Variants in STRN3 observed in about 807,000 individuals in gnomAD.
STRN3 encodes the protein striatin 3.
Under a neutral mutation model 95.6 loss-of-function variants are expected in STRN3, and 29 were observed. The ratio of observed to expected loss-of-function variants is 0.30; its 90% CI spans 0.23 to 0.41. The LOEUF is 0.41. Among genes scored for constraint, STRN3 ranks in the 10% least tolerant of loss-of-function variants. STRN3 has a pLI of 1.00. For missense variants in STRN3, 890 were observed against 972.1 expected (o/e 0.92, Z 1.12); for synonymous variants, 331 against 357.6 (o/e 0.93, Z 0.84).
chr14:31,003,832 G>A (rs919853613), intron 1 of STRN3, among the ~76,000 whole-genome samples: 3 of 133,588 alleles, frequency 2.2e-5, no homozygotes, highest in East Asian at 2.3e-4. Flanking sequence ...GTAGCAAAGC[G>A]AGATTTCTTG....
At chr14:30,975,939 T>C (rs899219492) in intron 1 of STRN3, among the ~76,000 whole-genome samples, 1 of 151,712 alleles carries the variant, frequency 6.6e-6, no homozygotes, top group African/African-American at 2.4e-5. Context: ...ACAGTTCATA[T>C]GCTAAGACAG....
At chr14:30,966,225 T>A (rs1279271942) in intron 1 of STRN3, among the ~76,000 whole-genome samples, 1 of 152,112 alleles carries the variant, frequency 6.6e-6, no homozygotes, top group Non-Finnish European at 1.5e-5. Flanking sequence ...GTCACGTGCA[T>A]CAGGGATAAG....
chr14:30,936,265 A>G (rs888300890), intron 6 of STRN3, among the ~76,000 whole-genome samples: 1 of 152,172 alleles, frequency 6.6e-6, no homozygotes, highest in Non-Finnish European at 1.5e-5. Flanking sequence ...TTCAAAATCA[A>G]TGGACTAGTC....
At chr14:30,970,217 A>G (rs1011007075) in intron 1 of STRN3, among the ~76,000 whole-genome samples, 1 of 152,128 alleles carries the variant, frequency 6.6e-6, no homozygotes, top group Non-Finnish European at 1.5e-5. Flanking sequence ...TATTTCAGAA[A>G]AGTACCTTGT....
intron 8 of STRN3, among the ~76,000 whole-genome samples, chr14:30,923,821 T>C (rs1896943040): frequency 6.6e-6 from 1 of 152,286 alleles, no homozygotes; most frequent in Non-Finnish European, 1.5e-5. Flanking sequence ...AAAGAAAGTC[T>C]TAAAAGATTT....
At chr14:30,936,652 A>T in intron 5 of STRN3, 28 bp from the exon 6 acceptor site, 5 of 1,592,302 alleles carry the variant, frequency 3.1e-6, no homozygotes, top group Non-Finnish European at 4.3e-6. Context: ...AGATAAATCC[A>T]ACTATTCCAA....
At chr14:30,954,116 A>G (rs1283121369) in intron 3 of STRN3, among the ~76,000 whole-genome samples, 1 of 152,184 alleles carries the variant, frequency 6.6e-6, no homozygotes, top group African/African-American at 2.4e-5. Context: ...TTGTGGTTTT[A>G]AGTTGTATTT....
At chr14:30,995,374 A>G (rs1357068648) in intron 1 of STRN3, among the ~76,000 whole-genome samples, 1 of 152,204 alleles carries the variant, frequency 6.6e-6, no homozygotes, top group Non-Finnish European at 1.5e-5. Flanking sequence ...ATTATAAAGG[A>G]CACTAGCCTG....
intron 1 of STRN3, among the ~76,000 whole-genome samples, chr14:30,960,953 A>G (rs1257071183): frequency 2.0e-5 from 3 of 152,130 alleles, no homozygotes; most frequent in Middle Eastern, 6.8e-3. Flanking sequence ...ATACAGTTCC[A>G]GGAGGATTAC....
chr14:30,981,661 A>G (rs1310221091), intron 1 of STRN3, among the ~76,000 whole-genome samples: 1 of 151,952 alleles, frequency 6.6e-6, no homozygotes, highest in Non-Finnish European at 1.5e-5. Context: ...TGATCATCTA[A>G]TAACAGAAAC....
At chr14:31,019,867 A>G (rs1230792624) in intron 1 of STRN3, among the ~76,000 whole-genome samples, 2 of 150,738 alleles carry the variant, frequency 1.3e-5, no homozygotes. Context: ...GAATCATTAT[A>G]GTCCAGTTCA....
chr14:30,929,434 C>A, intron 7 of STRN3, 123 bp from the exon 8 acceptor site: 2 of 722,268 alleles, frequency 2.8e-6, no homozygotes, highest in South Asian at 1.8e-5. Flanking sequence ...ACTCAAAATA[C>A]TTTAAAGGTG....
chr14:30,918,245 C>T (rs1050785510), intron 9 of STRN3, among the ~76,000 whole-genome samples: 2 of 152,114 alleles, frequency 1.3e-5, no homozygotes, highest in African/African-American at 4.8e-5. Flanking sequence ...CTGTGGCTCA[C>T]ACCTGTAATC....
rs922712833 is a variant in STRN3 at position 30,894,907 on chromosome 14, T to A, written c.*504A>T. On this transcript the variant is annotated 3_prime_UTR_variant, in exon 18 of 18. Transcript: ENST00000357479. ...ATTTTCTTTTTCTTTTTTTTTTTTT[T>A]TAAAGCAAAATAAGTTTAAAAGGGA... 2.8e-6 allele frequency: 3 copies of A among 1,082,186 alleles called. No homozygotes were observed. The highest frequency in any genetic ancestry group is 3.4e-5 in the African/African-American group (2 of 58,358). The allele number at this position is 1,082,186 out of a possible 1,614,324, so 67.0% of individuals were successfully genotyped here.
At chr14:30,976,829 C>T (rs1316331640) in intron 1 of STRN3, among the ~76,000 whole-genome samples, 1 of 152,216 alleles carries the variant, frequency 6.6e-6, no homozygotes, top group Admixed American at 6.5e-5. Context: ...GTGGCTCACA[C>T]CTGTAATACT....
At chr14:31,018,779 G>C in intron 1 of STRN3, 2 of 468,648 alleles carry the variant, frequency 4.3e-6, no homozygotes, top group Non-Finnish European at 8.4e-6. Flanking sequence ...GCAAAGCAGA[G>C]AGAAGCTCAA....
intron 8 of STRN3, among the ~76,000 whole-genome samples, chr14:30,924,600 G>A (rs1255967170): frequency 1.3e-5 from 2 of 152,114 alleles, no homozygotes; most frequent in Non-Finnish European, 2.9e-5. Context: ...CCTCATGCTT[G>A]AAATCTTAAT....
chr14:30,980,774 G>C (rs1566472706), intron 1 of STRN3, among the ~76,000 whole-genome samples: 5 of 151,968 alleles, frequency 3.3e-5, no homozygotes, highest in Admixed American at 2.0e-4. Flanking sequence ...TCTATTGCAA[G>C]AGTTTTCTTT....
intron 8 of STRN3, among the ~76,000 whole-genome samples, chr14:30,924,348 C>T (rs186642690): frequency 1.1e-3 from 131 of 117,258 alleles, no homozygotes; most frequent in Admixed American, 3.7e-3. Flanking sequence ...AGTGCAGTGG[C>T]GCGATCCTGA....
Sources: gnomAD v4.1 joint callset for allele counts (sites outside exome capture counted in the v4.1 genomes callset) on GRCh38, gnomAD v4.1.1 for gene constraint, MANE v1.5 for transcripts, NCBI Gene and HGNC (gene_info 2026-07-23, HGNC 2026-07-21) for gene names.